The following CNTNAP2 variants were observed in gnomAD, a reference collection of about 807,000 sequenced individuals.
CNTNAP2 encodes the protein contactin-associated protein-like 2.
CNTNAP2 carries 98 observed loss-of-function variants against 155.2 expected under a neutral mutation model. The ratio of observed to expected loss-of-function variants is 0.63; its 90% confidence interval spans 0.54 to 0.75. CNTNAP2 has a LOEUF of 0.75. Among genes scored for constraint, CNTNAP2 ranks in the 30% least tolerant of loss-of-function variants. CNTNAP2 has a pLI of 0.00. For synonymous variants in CNTNAP2, 651 were observed against 631.2 expected (o/e 1.03, Z -0.47); for missense variants, 1,727 against 1,688.1 (o/e 1.02, Z -0.40).
chr7:148,333,289 A>C (rs4725776), intron 21 of CNTNAP2, among the ~76,000 whole-genome samples: 1 of 151,952 alleles, frequency 6.6e-6, no homozygotes, highest in Non-Finnish European at 1.5e-5. Flanking sequence ...TTAGCCAGGC[A>C]TGGTGGCACA....
At chr7:147,490,041 A>G (rs1798578370) in intron 11 of CNTNAP2, among the ~76,000 whole-genome samples, 1 of 152,228 alleles carries the variant, frequency 6.6e-6, no homozygotes, top group African/African-American at 2.4e-5. Context: ...ATAGTATTTT[A>G]GTGTTCGACA....
chr7:147,984,827 T>G (rs760422870), intron 15 of CNTNAP2, among the ~76,000 whole-genome samples: 2 of 152,012 alleles, frequency 1.3e-5, no homozygotes, highest in Non-Finnish European at 2.9e-5. Context: ...AAAAGGACTA[T>G]TTACTGGCTG....
chr7:148,264,017 G>A (rs1796622747), intron 20 of CNTNAP2, among the ~76,000 whole-genome samples: 1 of 152,198 alleles, frequency 6.6e-6, no homozygotes. Flanking sequence ...CGGTGCTCGC[G>A]ACTTTAAAAG....
intron 8 of CNTNAP2, among the ~76,000 whole-genome samples, chr7:147,141,903 A>G (rs1407608742): frequency 1.3e-5 from 2 of 152,160 alleles, no homozygotes; most frequent in African/African-American, 4.8e-5. Context: ...ATAATTCAAT[A>G]GTTTCCCATT....
chr7:148,386,429 G>A (rs1302573316), intron 22 of CNTNAP2, among the ~76,000 whole-genome samples: 1 of 151,934 alleles, frequency 6.6e-6, no homozygotes, highest in African/African-American at 2.4e-5. Context: ...TCAGGAGGCT[G>A]AGGCAGGAGA....
intron 22 of CNTNAP2, among the ~76,000 whole-genome samples, chr7:148,403,459 G>T (rs1799633285): frequency 1.3e-5 from 2 of 152,168 alleles, no homozygotes; most frequent in Admixed American, 1.3e-4. Flanking sequence ...CTTATTTGAT[G>T]AAAGACTGGT....
intron 14 of CNTNAP2, among the ~76,000 whole-genome samples, chr7:147,942,445 T>C (rs1479666462): frequency 6.6e-6 from 1 of 152,216 alleles, no homozygotes; most frequent in African/African-American, 2.4e-5. Flanking sequence ...GAGGAGGAAT[T>C]GTAAAAACTT....
chr7:147,779,301 A>G (rs964852528), intron 13 of CNTNAP2, among the ~76,000 whole-genome samples: 4 of 152,252 alleles, frequency 2.6e-5, no homozygotes, highest in African/African-American at 9.6e-5. Context: ...ACGGGAGATT[A>G]GAATAAATGT....
Position 147,514,333 on chromosome 7 carries a change from AT to A in CNTNAP2, c.1777+28300del, listed in dbSNP as rs367724827. ...TAGATAGATTTTTACATCTATTTTA[AT>A]TTTTTTTCTGTTTATAAATAAGTAA... On this transcript the variant is annotated intron_variant, in intron 11 of 23. Coordinates refer to ENST00000361727, the MANE Select transcript of CNTNAP2 (RefSeq NM_014141.6). Among the ~76,000 whole-genome samples, 70 of 151,788 alleles carry A rather than the reference AT, an allele frequency of 4.6e-4. 1 individual carries two copies. The highest frequency in any genetic ancestry group is 7.7e-4 in the African/African-American group (32 of 41,430).
At chr7:148,154,372 C>G (rs1281246210) in intron 17 of CNTNAP2, among the ~76,000 whole-genome samples, 2 of 152,202 alleles carry the variant, frequency 1.3e-5, no homozygotes, top group Non-Finnish European at 2.9e-5. Context: ...TAAGCAACTA[C>G]AGACTGAAAT....
At chr7:146,491,129 A>G (rs1797133213) in intron 1 of CNTNAP2, among the ~76,000 whole-genome samples, 1 of 152,206 alleles carries the variant, frequency 6.6e-6, no homozygotes, top group Admixed American at 6.5e-5. Context: ...CAAAAAACCC[A>G]AAGATGAGAA....
intron 8 of CNTNAP2, among the ~76,000 whole-genome samples, chr7:147,288,641 C>T (rs913106361): frequency 6.6e-6 from 1 of 152,190 alleles, no homozygotes; most frequent in African/African-American, 2.4e-5. Flanking sequence ...TGCAGTTACT[C>T]ATGGCCAAAG....
intron 9 of CNTNAP2, among the ~76,000 whole-genome samples, chr7:147,393,783 T>C (rs1219643470): frequency 2.0e-5 from 3 of 152,018 alleles, no homozygotes; most frequent in Non-Finnish European, 4.4e-5. Flanking sequence ...CATGGATTTT[T>C]TTTAAGTCAA....
rs573041670 is a variant in CNTNAP2, at chr7:148,240,540, A to AT, written c.3381+10763dup. Reference sequence around the variant, plus strand: ...TTACAAACTGTTGAATTCAGAGGTTATTATTAAGACATAAATTTAAAAGGG... The same window carrying AT: ...TTACAAACTGTTGAATTCAGAGGTTATTTATTAAGACATAAATTTAAAAGGG... On this transcript the variant is annotated intron_variant, in intron 20 of 23. Coordinates refer to ENST00000361727, the MANE Select transcript of CNTNAP2 (RefSeq NM_014141.6). 6.6e-5 allele frequency among the ~76,000 whole-genome samples: 10 copies of AT among 152,194 alleles called. 1 individual carries two copies. In the South Asian group the frequency reaches 1.9e-3, roughly 28 times the overall value.
At chr7:146,863,439 A>G (rs1187068610) in intron 3 of CNTNAP2, among the ~76,000 whole-genome samples, 1 of 149,642 alleles carries the variant, frequency 6.7e-6, no homozygotes, top group Non-Finnish European at 1.5e-5. Context: ...ATATGACTCT[A>G]TGCTTTAATT....
chr7:147,028,241 C>G (rs963159673), intron 3 of CNTNAP2, among the ~76,000 whole-genome samples: 9 of 152,126 alleles, frequency 5.9e-5, no homozygotes, highest in African/African-American at 2.2e-4. Context: ...GTGCAGAAGA[C>G]TAATTGTAGC....
At chr7:146,293,441 C>T (rs1469452833) in intron 1 of CNTNAP2, among the ~76,000 whole-genome samples, 1 of 152,176 alleles carries the variant, frequency 6.6e-6, no homozygotes, top group Admixed American at 6.5e-5. Flanking sequence ...ATTGTTTCAA[C>T]TCCAGAGCTG....
chr7:147,433,733 C>T (rs557867062), intron 10 of CNTNAP2, among the ~76,000 whole-genome samples: 2 of 152,294 alleles, frequency 1.3e-5, no homozygotes, highest in South Asian at 4.1e-4. Context: ...TGTTTTCAAA[C>T]TGCCTGTGGG....
chr7:147,482,676 G>A (rs914978996), intron 10 of CNTNAP2, among the ~76,000 whole-genome samples: 2 of 151,612 alleles, frequency 1.3e-5, no homozygotes, highest in Non-Finnish European at 2.9e-5. Context: ...AGCCGAGATC[G>A]CGCCACTGCA....
Sources: allele counts gnomAD v4.1 joint callset (sites outside exome capture counted in the v4.1 genomes callset), GRCh38; gene constraint gnomAD v4.1.1; transcripts MANE v1.5; gene names NCBI Gene and HGNC (gene_info 2026-07-23, HGNC 2026-07-21).